The following SPART variants were observed in gnomAD, a reference collection of about 807,000 sequenced individuals.
The protein encoded by SPART is spartin.
A neutral mutation model predicts 58.7 loss-of-function variants in SPART; 35 were observed. The ratio of observed to expected loss-of-function variants is 0.60; its 90% CI spans 0.46 to 0.79. The LOEUF is 0.79. Among genes scored for constraint, SPART ranks in the 30% least tolerant of loss-of-function variants. SPART has a pLI of 0.00. For missense variants in SPART, 730 were observed against 786.1 expected, an observed-to-expected ratio of 0.93 and a Z score of 0.85; for synonymous variants, 284 against 280.7, an observed-to-expected ratio of 1.01 and a Z score of -0.12.
chr13:36,310,398 A>G (rs1194820648), intron 8 of SPART, among the ~76,000 whole-genome samples: 1 of 152,104 alleles, frequency 6.6e-6, no homozygotes, highest in East Asian at 1.9e-4. Flanking sequence ...TTGTATAAAG[A>G]AAGTAGAGTC....
Position 36,321,562 on chromosome 13 carries a change from A to G in SPART, c.1288+5013T>C, listed in dbSNP as rs865808335. Among the ~76,000 whole-genome samples the G allele has an allele frequency of 3.8e-3, 579 of 151,404 alleles. 5 individuals carry two copies. Among genetic ancestry groups the G allele is most frequent in the African/African-American group, 0.013 (549 of 41,266 alleles). On this transcript the variant is annotated intron_variant, in intron 5 of 8. Coordinates refer to ENST00000438666, the MANE Select transcript of SPART (RefSeq NM_015087.5). ...CCACAATATCACCCCTTACCACAAG[A>G]CCTCCCTTCAGCTTAATCTCTCCCA...
chr13:36,318,026 C>T (rs937329060), intron 5 of SPART, among the ~76,000 whole-genome samples: 11 of 152,128 alleles, frequency 7.2e-5, no homozygotes, highest in Admixed American at 3.9e-4. Flanking sequence ...TCTTTCCCTC[C>T]CGCCTGTCCC....
intron 5 of SPART, among the ~76,000 whole-genome samples, chr13:36,323,523 T>C (rs1010086264): frequency 1.3e-5 from 2 of 152,192 alleles, no homozygotes; most frequent in African/African-American, 2.4e-5. Flanking sequence ...CTTTACTTAT[T>C]CTTTGACAGT....
At chr13:36,342,208 TA>T (rs1278201965) in intron 1 of SPART, among the ~76,000 whole-genome samples, 1 of 152,226 alleles carries the variant, frequency 6.6e-6, no homozygotes, top group Non-Finnish European at 1.5e-5. Flanking sequence ...GCTAGGTGTT[TA>T]TCTCAATCCT....
chr13:36,354,895 C>T (rs1460174296), intron 1 of SPART, among the ~76,000 whole-genome samples: 3 of 152,068 alleles, frequency 2.0e-5, no homozygotes, highest in Non-Finnish European at 2.9e-5. Flanking sequence ...TTTTGGCATA[C>T]TTTTAATAAT....
chr13:36,342,395 A>T (rs1884665155), intron 1 of SPART, among the ~76,000 whole-genome samples: 1 of 152,242 alleles, frequency 6.6e-6, no homozygotes, highest in Non-Finnish European at 1.5e-5. Context: ...AACAGAGATC[A>T]TACATGGCCC....
chr13:36,343,853 C>T (rs1290429934), intron 1 of SPART, among the ~76,000 whole-genome samples: 1 of 151,962 alleles, frequency 6.6e-6, no homozygotes, highest in East Asian at 1.9e-4. Context: ...ACATTCAAAT[C>T]AGTTCATGGA....
chr13:36,314,448 A>G (rs1486498742), intron 5 of SPART, 27 bp from the exon 6 acceptor site: 7 of 1,600,034 alleles, frequency 4.4e-6, no homozygotes, highest in Non-Finnish European at 6.0e-6. Context: ...TTAAAATTGC[A>G]CAATATTAGG....
intron 1 of SPART, among the ~76,000 whole-genome samples, chr13:36,340,995 T>C (rs1884522275): frequency 6.6e-6 from 1 of 152,178 alleles, no homozygotes; most frequent in African/African-American, 2.4e-5. Flanking sequence ...GATGGATGGA[T>C]AAAAAGTTTA....
In SPART at chr13:36,304,242, A is replaced by G; in HGVS notation, c.*123T>C. On this transcript the variant is annotated 3_prime_UTR_variant, in exon 9 of 9. Coordinates refer to ENST00000438666, the MANE Select transcript of SPART (RefSeq NM_015087.5). ...ACATGCCATAAAATTTATGAAAGTT[A>G]ATTTGTAGGAATGAATACATTTAAA... 8.5e-7 allele frequency: 1 copy of G among 1,175,410 alleles called. No individual in the cohort carries two copies. The highest frequency in any genetic ancestry group is 1.2e-6 in the Non-Finnish European group (1 of 807,162). The allele number at this position is 1,175,410 out of a possible 1,614,324, so 72.8% of individuals were successfully genotyped here. A position where few individuals can be genotyped will look rare whatever the true frequency, so the allele number is the denominator to read the frequency against.
At chr13:36,367,309 CAT>C (rs1448742246) in intron 1 of SPART, among the ~76,000 whole-genome samples, 2 of 152,084 alleles carry the variant, frequency 1.3e-5, no homozygotes, top group African/African-American at 4.8e-5. Flanking sequence ...CATATCCCCA[CAT>C]GTGTAGAAAA....
chr13:36,364,542 C>G (rs1042028959), intron 1 of SPART, among the ~76,000 whole-genome samples: 1 of 152,082 alleles, frequency 6.6e-6, no homozygotes, highest in Non-Finnish European at 1.5e-5. Flanking sequence ...GGCAATCCCA[C>G]GCTTTGTCAG....
intron 4 of SPART, among the ~76,000 whole-genome samples, chr13:36,327,105 C>T (rs2137471844): frequency 6.6e-6 from 1 of 152,246 alleles, no homozygotes; most frequent in South Asian, 2.1e-4. Flanking sequence ...AATTCATAAA[C>T]TGGTTTTGAC....
At chr13:36,354,514 T>G in intron 1 of SPART, among the ~76,000 whole-genome samples, 1 of 152,202 alleles carries the variant, frequency 6.6e-6, no homozygotes, top group East Asian at 1.9e-4. Context: ...ACACCAAGGC[T>G]CAGGTGAGCA....
At chr13:36,317,284 C>G (rs556880419) in intron 5 of SPART, among the ~76,000 whole-genome samples, 2 of 152,254 alleles carry the variant, frequency 1.3e-5, no homozygotes, top group African/African-American at 4.8e-5. Context: ...TGTCTCTACC[C>G]CTTCTCTGCT....
At chr13:36,330,628 C>A (rs1170132729) in intron 3 of SPART, among the ~76,000 whole-genome samples, 1 of 152,094 alleles carries the variant, frequency 6.6e-6, no homozygotes, top group Non-Finnish European at 1.5e-5. Context: ...TATTCATAAT[C>A]AAAAATACTT....
At chr13:36,362,914 T>C (rs1021091343) in intron 1 of SPART, among the ~76,000 whole-genome samples, 2 of 152,226 alleles carry the variant, frequency 1.3e-5, no homozygotes, top group African/African-American at 4.8e-5. Context: ...GTCCTCTGTA[T>C]TAACTAATTT....
At chr13:36,333,262 T>C (rs2137532437) in intron 2 of SPART, among the ~76,000 whole-genome samples, 1 of 152,228 alleles carries the variant, frequency 6.6e-6, no homozygotes, top group African/African-American at 2.4e-5. Flanking sequence ...AAAAAGTATT[T>C]GGTATTAAAA....
At chr13:36,329,242 T>C in intron 4 of SPART, 120 bp downstream of exon 4, 1 of 1,067,816 alleles carries the variant, frequency 9.4e-7, no homozygotes, top group African/African-American at 1.6e-5. Context: ...GTGATCACTT[T>C]GTTGACTAAT....
Sources: allele counts gnomAD v4.1 joint callset (sites outside exome capture counted in the v4.1 genomes callset), GRCh38; gene constraint gnomAD v4.1.1; transcripts MANE v1.5; gene names NCBI Gene and HGNC (gene_info 2026-07-23, HGNC 2026-07-21).